Variants in PPP1R1B observed in about 807,000 individuals in gnomAD.
The protein encoded by PPP1R1B is protein phosphatase 1 regulatory inhibitor subunit 1B, also known as protein phosphatase 1 regulatory subunit 1B.
In PPP1R1B, 13 loss-of-function variants were observed where a neutral mutation model predicts 28.2. The ratio of observed to expected loss-of-function variants is 0.46; its 90% CI spans 0.30 to 0.73. The LOEUF (loss-of-function observed/expected upper bound fraction) is 0.73, where lower values mean the gene tolerates loss of function less well. Among genes scored for constraint, PPP1R1B ranks in the 30% least tolerant of loss-of-function variants. The pLI, the probability that PPP1R1B is intolerant of heterozygous loss-of-function variation, is 0.07. For synonymous variants in PPP1R1B, 102 were observed against 97.5 expected (o/e 1.05, Z -0.27); for missense variants, 236 against 256.7 (o/e 0.92, Z 0.55).
chr17:39,631,553 C>G (rs140263652), intron 4 of PPP1R1B, among the ~76,000 whole-genome samples: 1 of 152,162 alleles, frequency 6.6e-6, no homozygotes, highest in African/African-American at 2.4e-5. Context: ...CAGCCCCCTC[C>G]GCTCCTGCGG....
At position 39,627,367 on chromosome 17, in the gene PPP1R1B, C is replaced by T; in HGVS notation, c.-26C>T. 6.4e-7 allele frequency: 1 copy of T among 1,555,332 alleles called. No individual in the cohort carries two copies. The highest frequency in any genetic ancestry group is 1.1e-5 in the South Asian group (1 of 88,368). ...CGCCGGGACCCCGAGTCGCGCACCC[C>T]AGCCCCACCGCCCACCCCGCGCGCC... On this transcript the variant is annotated 5_prime_UTR_variant, in exon 1 of 7. Transcript: ENST00000254079.
chr17:39,633,591 G>A lies in PPP1R1B; in HGVS notation c.242-292G>A, dbSNP rs187219094. The A allele has an allele frequency of 1.1e-4, 36 of 335,292 alleles. 1 individual carries two copies. The East Asian group carries it at 1.1e-3, about 11-fold the overall frequency. The allele number at this position is 335,292 out of a possible 1,614,324, so 20.8% of individuals were successfully genotyped here. ...GGAATGTTAAGCTGCTGCTGTGCCC[G>A]CCTGGTCTTGCCCAGCCTAGTGCCC... On this transcript the variant is annotated intron_variant, in intron 4 of 6. Transcript: ENST00000254079.
chr17:39,635,654 C>A lies in PPP1R1B; in HGVS notation c.493C>A (p.Arg165Ser), dbSNP rs367543181. The change falls in exon 6 of 7, where the codon CGC (arginine) becomes AGC (serine). Residue 165 changes from arginine to serine, a missense_variant. Physicochemically the swap from Arg to Ser is moderately radical, Grantham distance 110. Coordinates refer to ENST00000254079, the MANE Select transcript of PPP1R1B (RefSeq NM_032192.4). ...CCAGGGTCTGGAAGGGCCCTGGGAG[C>A]GCCCACCCCCTCTGGATGAGTCCGA... Reference protein sequence around the residue: ...CGQGLEGPWERPPPLDESERD... With the variant: ...CGQGLEGPWESPPPLDESERD... 1 of 1,614,098 alleles carries A rather than the reference C, an allele frequency of 6.2e-7. No homozygotes were observed. The highest frequency in any genetic ancestry group is 1.3e-5 in the African/African-American group (1 of 75,006).
rs1287700026 is a variant in PPP1R1B at position 39,636,493 on chromosome 17, T to A, written c.*628T>A. 1 of 152,960 alleles carries A rather than the reference T, an allele frequency of 6.5e-6. No individual in the cohort carries two copies. Among genetic ancestry groups the A allele is most frequent in the African/African-American group, 2.4e-5 (1 of 41,432 alleles). The allele number at this position is 152,960 out of a possible 1,614,324, so 9.5% of individuals were successfully genotyped here. A position where few individuals can be genotyped will look rare whatever the true frequency, so the allele number is the denominator to read the frequency against. On this transcript the variant is annotated 3_prime_UTR_variant, in exon 7 of 7. Transcript: ENST00000254079. ...TTTGATGCCAGGAATGCCGCCTAGTTTATGTCCCCGGTGGGGCACACAGCG... is the reference window on the plus strand; with the variant it reads ...TTTGATGCCAGGAATGCCGCCTAGTATATGTCCCCGGTGGGGCACACAGCG...
rs79118136 is a variant in PPP1R1B at position 39,628,943 on chromosome 17, C to T, written c.82-227C>T. On this transcript the variant is annotated intron_variant, in intron 1 of 6. Coordinates refer to ENST00000254079, the MANE Select transcript of PPP1R1B (RefSeq NM_032192.4). ...ACTGGGGTTTTTCTCGTCCTTTGGA[C>T]TTGTTGTGCTGTGTGGCCTTAAGCA... is the stretch of plus-strand genomic sequence containing the variant. 8.7e-3 allele frequency among the ~76,000 whole-genome samples: 1,326 copies of T among 152,286 alleles called. 21 individuals are homozygous for T. The highest frequency in any genetic ancestry group is 0.031 in the African/African-American group (1,275 of 41,538).
chr17:39,628,774 T>C (rs2056854681), intron 1 of PPP1R1B: 1 of 944,550 alleles, frequency 1.1e-6, no homozygotes, highest in Non-Finnish European at 1.3e-6. Context: ...CCGTGGCAGC[T>C]GGAGCTGTAG....
chr17:39,630,154 C>G (rs917569908), intron 4 of PPP1R1B, 107 bp downstream of exon 4: 32 of 1,086,978 alleles, frequency 2.9e-5, no homozygotes, highest in Non-Finnish European at 4.3e-5. Context: ...CCACACATAG[C>G]CCGCTGTCAG....
intron 1 of PPP1R1B, 85 bp downstream of exon 1, chr17:39,627,558 G>C: frequency 1.1e-6 from 1 of 891,744 alleles, no homozygotes; most frequent in South Asian, 1.8e-5. Flanking sequence ...GCCCCGGCCG[G>C]ACTGGCCTGG....
At position 39,630,054 on chromosome 17, in the gene PPP1R1B, T is replaced by TAC; in HGVS notation, c.241+8_241+9dup. ...ACACCACCTTCGCTGAAAGGTACTA[T>TAC]ACCCCCACCGACCTTCCTGGCTGTC... On this transcript the variant is annotated splice_region_variant and intron_variant, in intron 4 of 6. Coordinates refer to ENST00000254079, the MANE Select transcript of PPP1R1B (RefSeq NM_032192.4). The TAC allele has an allele frequency of 6.2e-7, 1 of 1,613,660 alleles. No homozygotes were observed. Among genetic ancestry groups the TAC allele is most frequent in the East Asian group, 2.2e-5 (1 of 44,872 alleles).
Position 39,627,287 on chromosome 17 carries a change from T to C in PPP1R1B, c.-106T>C. ...TTTATCCGTGCGCGAACAGCCCTCC[T>C]CCTCCTCTCGCCGCACAGCCCGCCG... On this transcript the variant is annotated 5_prime_UTR_variant, in exon 1 of 7. Transcript: ENST00000254079. The C allele has an allele frequency of 1.4e-6, 1 of 735,998 alleles. No homozygotes were observed. The highest frequency in any genetic ancestry group is 2.0e-5 in the South Asian group (1 of 51,006). 45.6% of individuals were successfully genotyped at this position (735,998 alleles called of 1,614,324 possible).
At chr17:39,633,806 G>T (rs993627795) in intron 4 of PPP1R1B, 77 bp from the exon 5 acceptor site, 1 of 1,591,836 alleles carries the variant, frequency 6.3e-7, no homozygotes, top group Non-Finnish European at 8.6e-7. Flanking sequence ...GAGGCTGGGG[G>T]CTAGGCCACA....
rs1464844266 is a variant in PPP1R1B, at chr17:39,635,803, G to A, written c.566-13G>A. On this transcript the variant is annotated splice_polypyrimidine_tract_variant and intron_variant, in intron 6 of 6. Transcript: ENST00000254079. The stretch of plus-strand genomic sequence containing the variant: ...GGGGCCAGGCCCTGAGTCCCTCTCT[G>A]CTTGCCTTTCAGAGCCTGGGGAGGA... The A allele has an allele frequency of 2.5e-6, 4 of 1,614,016 alleles. No homozygotes were observed. Among genetic ancestry groups the A allele is most frequent in the Middle Eastern group, 1.7e-4 (1 of 6,042 alleles).
intron 4 of PPP1R1B, chr17:39,633,587 G>T (rs1042173591): frequency 3.0e-5 from 10 of 330,824 alleles, no homozygotes; most frequent in Non-Finnish European, 5.2e-5. Flanking sequence ...CTGCTGCTGT[G>T]CCCGCCTGGT....
chr17:39,627,302 A>G lies in PPP1R1B; in HGVS notation c.-91A>G. 1.2e-6 allele frequency: 1 copy of G among 862,938 alleles called. No homozygotes were observed. Among genetic ancestry groups the G allele is most frequent in the South Asian group, 1.8e-5 (1 of 56,424 alleles). 53.5% of individuals were successfully genotyped at this position (862,938 alleles called of 1,614,324 possible). On this transcript the variant is annotated 5_prime_UTR_variant, in exon 1 of 7. Transcript: ENST00000254079. ...ACAGCCCTCCTCCTCCTCTCGCCGC[A>G]CAGCCCGCCGCCTGCGCGGGGGAGC...
rs557439272 is a variant in PPP1R1B, at chr17:39,631,517, C to A, written c.241+1470C>A. Among the ~76,000 whole-genome samples the A allele has an allele frequency of 2.0e-4, 31 of 152,312 alleles. 1 individual carries two copies. In the East Asian group the frequency reaches 5.2e-3, roughly 26 times the overall value. On this transcript the variant is annotated intron_variant, in intron 4 of 6. Transcript: ENST00000254079. ...TGCCTACCAACCCCCCACCTCAACT[C>A]CTGCCTGGGGCTCTTCCTGCCCGGC...
chr17:39,630,881 C>T (rs1026886998), intron 4 of PPP1R1B, among the ~76,000 whole-genome samples: 3 of 152,176 alleles, frequency 2.0e-5, no homozygotes, highest in Non-Finnish European at 2.9e-5. Flanking sequence ...ACCAGCCTGA[C>T]CAACATGGAG....
At chr17:39,626,845 C>T (rs940526880), upstream of PPP1R1B, 4 of 153,022 alleles carry the variant, frequency 2.6e-5, no homozygotes, top group Non-Finnish European at 4.4e-5. Flanking sequence ...TCTCCATGCT[C>T]ATTGGCCAGT....
Position 39,634,246 on chromosome 17 carries a change from A to G in PPP1R1B, c.445+160A>G, listed in dbSNP as rs2056900691. 1.3e-5 allele frequency among the ~76,000 whole-genome samples: 2 copies of G among 152,200 alleles called. 1 individual carries two copies. The highest frequency in any genetic ancestry group is 4.1e-4 in the South Asian group (2 of 4,826). ...CATGGGGTGCCCCGAACTCAGCCCT[A>G]CCTGAGACATGGGTTTCCTCCATCC... On this transcript the variant is annotated intron_variant, in intron 5 of 6. Coordinates refer to ENST00000254079, the MANE Select transcript of PPP1R1B (RefSeq NM_032192.4).
At position 39,635,952 on chromosome 17, in the gene PPP1R1B, C is replaced by A; in HGVS notation, c.*87C>A. The A allele has an allele frequency of 6.9e-7, 1 of 1,443,494 alleles. No homozygotes were observed. Among genetic ancestry groups the A allele is most frequent in the South Asian group, 1.2e-5 (1 of 83,426 alleles). 89.4% of individuals were successfully genotyped at this position (1,443,494 alleles called of 1,614,324 possible). On this transcript the variant is annotated 3_prime_UTR_variant, in exon 7 of 7. Coordinates refer to ENST00000254079, the MANE Select transcript of PPP1R1B (RefSeq NM_032192.4). ...CTCTATCCTCACCCTGTTTTGTGCTCTTCCCCTCGCCTGCTAGGGCTGCGG... is the reference window on the plus strand; with the variant it reads ...CTCTATCCTCACCCTGTTTTGTGCTATTCCCCTCGCCTGCTAGGGCTGCGG...
Sources: allele counts gnomAD v4.1 joint callset (sites outside exome capture counted in the v4.1 genomes callset), GRCh38; gene constraint gnomAD v4.1.1; transcripts MANE v1.5; gene names NCBI Gene and HGNC (gene_info 2026-07-23, HGNC 2026-07-21).